The following RHOA variants were observed in gnomAD, a reference collection of about 807,000 sequenced individuals.
The protein encoded by RHOA is transforming protein RhoA.
In RHOA, 3 loss-of-function variants were observed where a neutral mutation model predicts 17.5. The ratio of observed to expected loss-of-function variants is 0.17; its 90% CI spans 0.08 to 0.44. The LOEUF is 0.44. Ranked by LOEUF, RHOA falls within the 20% of genes least tolerant of loss-of-function variation. The pLI is 0.99. For missense variants in RHOA, 56 were observed against 242.3 expected (o/e 0.23, Z 5.10); for synonymous variants, 98 against 88.4 (o/e 1.11, Z -0.61).
chr3:49,359,858 C>A lies in RHOA; in HGVS notation c.*351G>T. On this transcript the variant is annotated 3_prime_UTR_variant, in exon 5 of 5. Coordinates refer to ENST00000418115, the MANE Select transcript of RHOA (RefSeq NM_001664.4). ...TACCTTGCAGCTGACAGATAATAGG[C>A]AGGACATGTTAGTTATAAAGTAGTT... 1 of 269,064 alleles carries A rather than the reference C, an allele frequency of 3.7e-6. No individual in the cohort carries two copies. Among genetic ancestry groups the A allele is most frequent in the Non-Finnish European group, 7.1e-6 (1 of 140,086 alleles). 16.7% of individuals were successfully genotyped at this position (269,064 alleles called of 1,614,324 possible). A position where few individuals can be genotyped will look rare whatever the true frequency, so the allele number is the denominator to read the frequency against.
intron 1 of RHOA, among the ~76,000 whole-genome samples, chr3:49,405,437 A>T (rs1195109247): frequency 6.6e-6 from 1 of 152,142 alleles, no homozygotes; most frequent in Non-Finnish European, 1.5e-5. Context: ...ATCTCAAAAA[A>T]TAAATAAATA....
chr3:49,381,091 A>G (rs1325576460), intron 1 of RHOA, among the ~76,000 whole-genome samples: 1 of 152,034 alleles, frequency 6.6e-6, no homozygotes, highest in African/African-American at 2.4e-5. Flanking sequence ...AATGTGCTCA[A>G]TGCATATCTT....
chr3:49,400,047 TAAAAATACA>T (rs2048696009), intron 1 of RHOA, among the ~76,000 whole-genome samples: 1 of 151,326 alleles, frequency 6.6e-6, no homozygotes, highest in African/African-American at 2.4e-5. Context: ...CCGTCTCTAC[TAAAAATACA>T]AAAAAATTAG....
chr3:49,368,622 C>T, intron 2 of RHOA, 74 bp from the exon 3 acceptor site: 2 of 1,537,914 alleles, frequency 1.3e-6, no homozygotes, highest in Non-Finnish European at 1.8e-6. Flanking sequence ...TGACACTTAC[C>T]ATAGTACATT....
intron 1 of RHOA, among the ~76,000 whole-genome samples, chr3:49,397,258 A>T (rs2048631745): frequency 6.6e-6 from 1 of 152,162 alleles, no homozygotes; most frequent in South Asian, 2.1e-4. Flanking sequence ...TATCCAGAAT[A>T]GGCAAATCTA....
rs555033041 is a variant in RHOA, at chr3:49,388,631, ATT to A, written c.-2-13042_-2-13041del. On this transcript the variant is annotated intron_variant, in intron 1 of 4. Transcript: ENST00000418115. ...TAGCAGTCTTTGGTAATTTTCTCAC[ATT>A]TGTGTGACCATGATGCTTACTCACA... 1.8e-4 allele frequency among the ~76,000 whole-genome samples: 28 copies of A among 152,242 alleles called. No homozygotes were observed. In the East Asian group the frequency reaches 2.9e-3, roughly 16 times the overall value.
chr3:49,384,065 A>G (rs2048359480), intron 1 of RHOA, among the ~76,000 whole-genome samples: 1 of 152,096 alleles, frequency 6.6e-6, no homozygotes, highest in Admixed American at 6.6e-5. Flanking sequence ...AAAATATCTG[A>G]TAAAGAACAT....
At chr3:49,371,691 C>CA (rs1029561239) in intron 2 of RHOA, among the ~76,000 whole-genome samples, 3 of 152,184 alleles carry the variant, frequency 2.0e-5, no homozygotes, top group African/African-American at 7.2e-5. Context: ...GCTCTTCAAT[C>CA]AAACACTTTT....
chr3:49,372,711 G>A (rs2048165325), intron 2 of RHOA, among the ~76,000 whole-genome samples: 1 of 141,810 alleles, frequency 7.1e-6, no homozygotes, highest in East Asian at 2.2e-4. Flanking sequence ...TCCAGCCTGG[G>A]CGACAGAGCG....
chr3:49,363,492 T>C (rs1441496555), intron 3 of RHOA, among the ~76,000 whole-genome samples: 3 of 152,108 alleles, frequency 2.0e-5, no homozygotes, highest in Non-Finnish European at 2.9e-5. Flanking sequence ...TCCAGCACTT[T>C]TGAGAGGCTA....
At position 49,360,400 on chromosome 3, in the gene RHOA, A is replaced by T. The variant is rs759817462; in HGVS notation, c.409-18T>A. 1 of 1,602,752 alleles carries T rather than the reference A, an allele frequency of 6.2e-7. No homozygotes were observed. Among genetic ancestry groups the T allele is most frequent in the South Asian group, 1.1e-5 (1 of 88,832 alleles). ...ACCGGCTCCTAGCAAAGAAAAAAAAATAGTCCTTTTAGCTAATAGTGTGGC... is the reference window on the plus strand; with the variant it reads ...ACCGGCTCCTAGCAAAGAAAAAAAATTAGTCCTTTTAGCTAATAGTGTGGC... On this transcript the variant is annotated intron_variant, in intron 4 of 4. Coordinates refer to ENST00000418115, the MANE Select transcript of RHOA (RefSeq NM_001664.4).
chr3:49,411,598 G>A (rs1039418122), intron 1 of RHOA, among the ~76,000 whole-genome samples: 2 of 151,884 alleles, frequency 1.3e-5, no homozygotes, highest in Non-Finnish European at 1.5e-5. Context: ...AAGGGGCACA[G>A]GAGACTACCG....
At chr3:49,364,661 AAAAT>A (rs549389235) in intron 3 of RHOA, among the ~76,000 whole-genome samples, 3 of 152,100 alleles carry the variant, frequency 2.0e-5, no homozygotes, top group East Asian at 1.9e-4. Flanking sequence ...ACTCCGTCTC[AAAAT>A]AAATAAATAA....
At chr3:49,409,420 C>G (rs888647865) in intron 1 of RHOA, among the ~76,000 whole-genome samples, 1 of 151,996 alleles carries the variant, frequency 6.6e-6, no homozygotes, top group African/African-American at 2.4e-5. Flanking sequence ...TATAAAACTA[C>G]AACTATATGG....
chr3:49,370,660 C>T (rs1224834712), intron 2 of RHOA, among the ~76,000 whole-genome samples: 1 of 152,126 alleles, frequency 6.6e-6, no homozygotes, highest in Non-Finnish European at 1.5e-5. Flanking sequence ...GGTACATCCT[C>T]ACCCTCCTGT....
chr3:49,362,924 G>A (rs901884174), intron 3 of RHOA, among the ~76,000 whole-genome samples: 5 of 152,158 alleles, frequency 3.3e-5, no homozygotes, highest in African/African-American at 7.2e-5. Context: ...GTTTCACGGG[G>A]GGCACTTCCT....
chr3:49,394,073 T>C lies in RHOA; in HGVS notation c.-3+17747A>G, dbSNP rs141274582. Among the ~76,000 whole-genome samples, 416 of 152,134 alleles carry C rather than the reference T, an allele frequency of 2.7e-3. 3 individuals are homozygous for C. Among genetic ancestry groups the C allele is most frequent in the African/African-American group, 9.3e-3 (386 of 41,524 alleles). ...TTTTATTAGAGACAGGGTTTCACCG[T>C]GTTAGCCAGGATGGTCTCAATCTCC... On this transcript the variant is annotated intron_variant, in intron 1 of 4. Transcript: ENST00000418115.
At chr3:49,389,102 G>A (rs777022939) in intron 1 of RHOA, among the ~76,000 whole-genome samples, 7 of 152,122 alleles carry the variant, frequency 4.6e-5, no homozygotes, top group Non-Finnish European at 7.3e-5. Flanking sequence ...AGCACTTTGG[G>A]AGGCCGAGGC....
At chr3:49,375,294 G>T in intron 2 of RHOA, 140 bp downstream of exon 2, 1 of 747,872 alleles carries the variant, frequency 1.3e-6, no homozygotes, top group Non-Finnish European at 2.1e-6. Flanking sequence ...GGACTAAGAT[G>T]GCAGGATGAG....
Sources: gnomAD v4.1 joint callset for allele counts (sites outside exome capture counted in the v4.1 genomes callset) on GRCh38, gnomAD v4.1.1 for gene constraint, MANE v1.5 for transcripts, NCBI Gene and HGNC (gene_info 2026-07-23, HGNC 2026-07-21) for gene names.